Variants in MYH16 observed in about 807,000 individuals in gnomAD.
MYH16 encodes the protein myosin heavy chain 16.
chr7:99,286,261 T>A (rs1051951431), intron 27 of MYH16, among the ~76,000 whole-genome samples: 1 of 152,056 alleles, frequency 6.6e-6, no homozygotes, highest in Non-Finnish European at 1.5e-5. Context: ...ACAAAAAATT[T>A]AAAAATTTGC....
intron 19 of MYH16, among the ~76,000 whole-genome samples, chr7:99,271,736 G>A (rs1469837654): frequency 6.6e-6 from 1 of 152,184 alleles, no homozygotes; most frequent in Non-Finnish European, 1.5e-5. Context: ...GTCTTGCTCT[G>A]TAGCCCAGGC....
downstream of MYH16, among the ~76,000 whole-genome samples, chr7:99,308,320 A>G (rs1488740626): frequency 7.8e-6 from 1 of 128,958 alleles, no homozygotes; most frequent in Non-Finnish European, 1.7e-5. Flanking sequence ...AAAAAAAAAA[A>G]CCAGAACTGA....
chr7:99,247,235 C>G (rs1442332077), intron 2 of MYH16, among the ~76,000 whole-genome samples: 1 of 152,194 alleles, frequency 6.6e-6, no homozygotes, highest in Admixed American at 6.5e-5. Context: ...TACAGTGGCA[C>G]GATCTTGGCT....
chr7:99,288,380 A>G (rs1486939154), intron 29 of MYH16, among the ~76,000 whole-genome samples: 1 of 152,164 alleles, frequency 6.6e-6, no homozygotes, highest in African/African-American at 2.4e-5. Flanking sequence ...TTGAGACTGC[A>G]GTGAGTATGA....
chr7:99,284,063 T>C (rs1297573553), intron 25 of MYH16, 45 bp downstream of exon 7: 1 of 412,380 alleles, frequency 2.4e-6, no homozygotes, highest in African/African-American at 2.0e-5. Context: ...ATGGTAGCAA[T>C]AGCTGGAGCT....
exon 30 of MYH16, chr7:99,289,303 A>T (rs1792335469): frequency 2.3e-6 from 1 of 435,330 alleles, no homozygotes; most frequent in African/African-American, 2.0e-5. Flanking sequence ...GCCGAGGCCC[A>T]CGTCAGAAAG....
chr7:99,248,444 G>A (rs1379681933), intron 3 of MYH16, among the ~76,000 whole-genome samples: 1 of 152,176 alleles, frequency 6.6e-6, no homozygotes, highest in African/African-American at 2.4e-5. Flanking sequence ...TGCCCAGGCT[G>A]GAGTGCAGTG....
At chr7:99,269,338 C>T (rs187979262) in intron 18 of MYH16, among the ~76,000 whole-genome samples, 148 of 151,366 alleles carry the variant, frequency 9.8e-4, no homozygotes, top group African/African-American at 3.1e-3. Flanking sequence ...TGCAGTGACA[C>T]GATCACAGCT....
intron 8 of MYH16, among the ~76,000 whole-genome samples, chr7:99,255,085 A>G (rs553058675): frequency 9.9e-5 from 15 of 152,222 alleles, no homozygotes; most frequent in Non-Finnish European, 1.3e-4. Flanking sequence ...CCTGGCCAAC[A>G]TGGCGAAACC....
At chr7:99,282,532 G>C (rs1001275888) in intron 23 of MYH16, among the ~76,000 whole-genome samples, 1 of 151,676 alleles carries the variant, frequency 6.6e-6, no homozygotes, top group Admixed American at 6.6e-5. Flanking sequence ...GAGTGCAGTG[G>C]TATGATCATG....
chr7:99,292,204 C>T (rs1178554865), intron 31 of MYH16, 108 bp from the exon 13 acceptor site: 1 of 355,634 alleles, frequency 2.8e-6, no homozygotes, highest in Non-Finnish European at 5.7e-6. Context: ...TGTTTCTTTT[C>T]CCCCTTTCGC....
chr7:99,303,505 T>C (rs1294985253), intron 39 of MYH16, among the ~76,000 whole-genome samples: 1 of 152,214 alleles, frequency 6.6e-6, no homozygotes, highest in African/African-American at 2.4e-5. Context: ...ATGAGATGCA[T>C]TAAAACAGCC....
At chr7:99,297,824 CTG>C in intron 35 of MYH16, 28 bp downstream of exon 16, 1 of 456,710 alleles carries the variant, frequency 2.2e-6, no homozygotes, top group South Asian at 1.5e-5. Flanking sequence ...ACCTTGGGGA[CTG>C]TGGACCCTTG....
intron 1 of MYH16, among the ~76,000 whole-genome samples, chr7:99,239,953 C>A (rs1174875992): frequency 2.0e-5 from 3 of 152,034 alleles, no homozygotes; most frequent in Non-Finnish European, 4.4e-5. Flanking sequence ...GAGACCAAGA[C>A]AGGAGGATTA....
intron 39 of MYH16, among the ~76,000 whole-genome samples, chr7:99,303,956 G>A (rs1363055208): frequency 1.3e-5 from 2 of 152,146 alleles, no homozygotes; most frequent in East Asian, 3.9e-4. Context: ...GCCCCCAAGT[G>A]CTCTCAGCCC....
intron 17 of MYH16, chr7:99,266,804 GC>G (rs1196590372): frequency 6.5e-6 from 1 of 152,672 alleles, no homozygotes; most frequent in East Asian, 1.9e-4. Context: ...TGTTTTATGT[GC>G]TGTCAGCTTG....
At chr7:99,296,224 T>A (rs1007770149) in intron 33 of MYH16, among the ~76,000 whole-genome samples, 1 of 151,074 alleles carries the variant, frequency 6.6e-6, no homozygotes, top group African/African-American at 2.4e-5. Context: ...AAGCAAAACT[T>A]TATAAAAGCT....
intron 20 of MYH16, among the ~76,000 whole-genome samples, chr7:99,276,523 C>A (rs892457829): frequency 6.6e-6 from 1 of 152,230 alleles, no homozygotes; most frequent in African/African-American, 2.4e-5. Flanking sequence ...CGGAGCCTGG[C>A]GCTCCAGTGC....
At position 99,269,677 on chromosome 7, in the gene MYH16, C is replaced by T. The variant is rs75385777; in HGVS notation, n.2267-1280C>T. On this transcript the variant is annotated intron_variant and non_coding_transcript_variant, in intron 18 of 41. Transcript: ENST00000439784. ...TCATACTTGACACACCCTTCCGTGA[C>T]ATTCCTCCATGACGTGCTTTTATCG... Among the ~76,000 whole-genome samples the T allele has an allele frequency of 2.4e-3, 358 of 152,280 alleles. 3 individuals carry two copies. The highest frequency in any genetic ancestry group is 3.4e-3 in the Non-Finnish European group (234 of 68,022).
Sources: gnomAD v4.1 joint callset for allele counts (sites outside exome capture counted in the v4.1 genomes callset) on GRCh38, gnomAD v4.1.1 for gene constraint, MANE v1.5 for transcripts, NCBI Gene and HGNC (gene_info 2026-07-23, HGNC 2026-07-21) for gene names.